Variants in NLN observed in about 807,000 individuals in gnomAD.
NLN encodes the protein neurolysin.
Under a neutral mutation model 79.9 loss-of-function variants are expected in NLN, and 64 were observed. That is an observed-to-expected ratio of 0.80 (90% CI 0.65 to 0.99). NLN has a LOEUF of 0.99. Among genes scored for constraint, NLN ranks in the 50% least tolerant of loss-of-function variants. NLN has a pLI of 0.00. For missense variants in NLN, 835 were observed against 858.7 expected, an observed-to-expected ratio of 0.97 and a Z score of 0.34; for synonymous variants, 267 against 296.6, an observed-to-expected ratio of 0.90 and a Z score of 1.02.
Position 65,781,414 on chromosome 5 carries a change from G to A in NLN, c.815G>A (p.Cys272Tyr), listed in dbSNP as rs781143807. ...RRMEMAFNTRCKEENTIILQQ... is the reference protein window; with the variant it reads ...RRMEMAFNTRYKEENTIILQQ... The stretch of plus-strand genomic sequence containing the variant: ...ATGGAAATGGCTTTTAATACAAGGT[G>A]CAAAGAGGTATTATAAATGTTTGTC... The change falls in exon 6 of 13, where the codon TGC becomes TAC. Residue 272 changes from cysteine to tyrosine, a missense_variant. Cys to Tyr is a radical substitution (Grantham distance 194). Transcript: ENST00000380985. 1.9e-6 allele frequency: 3 copies of A among 1,596,820 alleles called. 1 individual carries two copies. In the South Asian group the frequency reaches 3.4e-5, roughly 18 times the overall value.
Position 65,785,824 on chromosome 5 carries a change from C to A in NLN, c.872C>A (p.Ala291Asp), listed in dbSNP as rs543041759. The A allele has an allele frequency of 3.1e-6, 5 of 1,613,770 alleles. No homozygotes were observed. The South Asian group carries it at 5.5e-5, about 18-fold the overall frequency. The change falls in exon 7 of 13, where the codon GCC (alanine) becomes GAC (aspartate). Residue 291 changes from alanine to aspartate, a missense_variant. Coordinates refer to ENST00000380985, the MANE Select transcript of NLN (RefSeq NM_020726.5). ...CTACTCCCACTGCGAACCAAGGTGGCCAAACTACTCGGTTATAGCACACAT... is the reference window on the plus strand; with the variant it reads ...CTACTCCCACTGCGAACCAAGGTGGACAAACTACTCGGTTATAGCACACAT... ...QQLLPLRTKV[A>D]KLLGYSTHAD...
intron 3 of NLN, 64 bp downstream of exon 3, chr5:65,763,172 C>CA: frequency 7.1e-7 from 1 of 1,414,142 alleles, no homozygotes; most frequent in Middle Eastern, 1.9e-4. Context: ...AACATTCAGT[C>CA]ATAAATAAAA....
chr5:65,777,453 A>C lies in NLN; in HGVS notation c.477A>C (p.Lys159Asn). 6 of 1,613,136 alleles carry C rather than the reference A, an allele frequency of 3.7e-6. No homozygotes were observed. Among genetic ancestry groups the C allele is most frequent in the Non-Finnish European group, 3.4e-6 (4 of 1,179,192 alleles). The change falls in exon 4 of 13, where the codon AAA (lysine) becomes AAC (asparagine). Residue 159 changes from lysine to asparagine, a missense_variant. Coordinates refer to ENST00000380985, the MANE Select transcript of NLN (RefSeq NM_020726.5). ...LQETCDLGKI[K>N]PEARRYLEKS... ...AAACCTGTGATCTGGGGAAGATAAA[A>C]CCTGAGGCCAGACGATACTTGGAAA...
intron 1 of NLN, among the ~76,000 whole-genome samples, chr5:65,730,543 C>CTT (rs530066196): frequency 7.0e-6 from 1 of 142,998 alleles, no homozygotes; most frequent in East Asian, 2.0e-4. Flanking sequence ...CTATTTTCTT[C>CTT]TTTTTTTTTT....
intron 12 of NLN, among the ~76,000 whole-genome samples, chr5:65,815,199 A>G (rs1760643730): frequency 6.6e-6 from 1 of 152,182 alleles, no homozygotes; most frequent in Admixed American, 6.5e-5. Context: ...GCTTGCCCTT[A>G]TGTGACCATA....
At position 65,799,654 on chromosome 5, in the gene NLN, A is replaced by T. The variant is rs539842976; in HGVS notation, c.1527+6999A>T. ...TTAAATAAGATGTACCTGATCAGGA[A>T]GGTACAGCTAGTTTGGGAGCAAGCC... On this transcript the variant is annotated intron_variant, in intron 9 of 12. Transcript: ENST00000380985. Among the ~76,000 whole-genome samples the T allele has an allele frequency of 5.2e-4, 79 of 152,342 alleles. 1 individual carries two copies. Among genetic ancestry groups the T allele is most frequent in the African/African-American group, 1.8e-3 (74 of 41,580 alleles).
At chr5:65,785,452 G>A (rs894823004) in intron 6 of NLN, among the ~76,000 whole-genome samples, 6 of 152,160 alleles carry the variant, frequency 3.9e-5, no homozygotes, top group African/African-American at 1.2e-4. Context: ...ATTTGGTGCA[G>A]TTCTGTCAGT....
At chr5:65,766,041 G>A (rs72768013) in intron 3 of NLN, among the ~76,000 whole-genome samples, 5,883 of 152,162 alleles carry the variant, frequency 0.039, 146 homozygotes, top group African/African-American at 0.064. Context: ...AATAGCAACC[G>A]TCATTTTCTT....
intron 9 of NLN, among the ~76,000 whole-genome samples, chr5:65,796,844 A>G (rs1263985681): frequency 2.0e-5 from 3 of 152,246 alleles, no homozygotes; most frequent in African/African-American, 2.4e-5. Flanking sequence ...AAAATTTGCC[A>G]TATGTATTCA....
chr5:65,815,479 T>C (rs945244230), intron 12 of NLN, among the ~76,000 whole-genome samples: 2 of 152,234 alleles, frequency 1.3e-5, no homozygotes, highest in African/African-American at 4.8e-5. Flanking sequence ...ATTTTCAGTG[T>C]TACTAAAATT....
Position 65,779,113 on chromosome 5 carries a change from G to A in NLN, c.559-1066G>A, listed in dbSNP as rs186619505. ...ATCGGAAAACACCACTGAACAGTGC[G>A]TTAGGTCAGTAGTCTCAAATTTAGT... On this transcript the variant is annotated intron_variant, in intron 4 of 12. Transcript: ENST00000380985. Among the ~76,000 whole-genome samples the A allele has an allele frequency of 3.9e-5, 6 of 152,288 alleles. No individual in the cohort carries two copies. In the East Asian group the frequency reaches 5.8e-4, roughly 15 times the overall value.
rs1760925686 is a variant in NLN, at chr5:65,826,675, C to G, written c.*3760C>G. On this transcript the variant is annotated 3_prime_UTR_variant, in exon 13 of 13. Transcript: ENST00000380985. ...ATCCTAACACTTTGGAAGGTTGAGG[C>G]AGGAGGATCCTTTGTGCTCAAGAGT... 1 of 152,184 alleles carries G rather than the reference C, an allele frequency of 6.6e-6. No individual in the cohort carries two copies. Among genetic ancestry groups the G allele is most frequent in the Admixed American group, 6.6e-5 (1 of 15,264 alleles). The allele number at this position is 152,184 out of a possible 1,614,324, so 9.4% of individuals were successfully genotyped here. A position where few individuals can be genotyped will look rare whatever the true frequency, so the allele number is the denominator to read the frequency against.
chr5:65,726,733 G>A (rs1758482271), intron 1 of NLN, among the ~76,000 whole-genome samples: 1 of 152,064 alleles, frequency 6.6e-6, no homozygotes, highest in African/African-American at 2.4e-5. Context: ...GTTACATAAG[G>A]GCATATCTTA....
chr5:65,777,783 A>G (rs1280945204), intron 4 of NLN, among the ~76,000 whole-genome samples: 3 of 152,178 alleles, frequency 2.0e-5, no homozygotes, highest in Non-Finnish European at 4.4e-5. Context: ...TCAAGCCCCA[A>G]GCATTTCGGA....
At chr5:65,806,924 C>G (rs928271339) in intron 9 of NLN, among the ~76,000 whole-genome samples, 2 of 152,108 alleles carry the variant, frequency 1.3e-5, no homozygotes, top group African/African-American at 4.8e-5. Flanking sequence ...CACCTGTAAT[C>G]CCAGCACTCT....
intron 1 of NLN, among the ~76,000 whole-genome samples, chr5:65,746,362 A>C (rs958008817): frequency 6.6e-6 from 1 of 152,238 alleles, no homozygotes; most frequent in Non-Finnish European, 1.5e-5. Context: ...AACAGGAAAG[A>C]GTGGAAAACA....
At chr5:65,773,011 G>A (rs1759602805) in intron 3 of NLN, among the ~76,000 whole-genome samples, 1 of 151,086 alleles carries the variant, frequency 6.6e-6, no homozygotes, top group Non-Finnish European at 1.5e-5. Context: ...AGAATACAGT[G>A]GCACAGTCAC....
intron 1 of NLN, among the ~76,000 whole-genome samples, chr5:65,746,592 A>AT (rs1447874811): frequency 6.6e-6 from 1 of 152,168 alleles, no homozygotes; most frequent in Non-Finnish European, 1.5e-5. Flanking sequence ...AAAGGAAGAA[A>AT]TAGTGGTGTC....
chr5:65,755,127 G>C (rs1433884844), intron 1 of NLN, among the ~76,000 whole-genome samples: 2 of 151,900 alleles, frequency 1.3e-5, no homozygotes, highest in Non-Finnish European at 2.9e-5. Flanking sequence ...CATTGCTCAT[G>C]TTTTATATTC....
Sources: allele counts gnomAD v4.1 joint callset (sites outside exome capture counted in the v4.1 genomes callset), GRCh38; gene constraint gnomAD v4.1.1; transcripts MANE v1.5; gene names NCBI Gene and HGNC (gene_info 2026-07-23, HGNC 2026-07-21).